OPLAH: variants seen among roughly 807,000 people sequenced by gnomAD.
The protein encoded by OPLAH is 5-oxoprolinase.
OPLAH carries 103 observed loss-of-function variants against 122.8 expected under a neutral mutation model. The observed-to-expected ratio is 0.84, with a 90% CI of 0.71 to 0.99. OPLAH has a LOEUF of 0.99. OPLAH is among the 50% of genes least tolerant of loss of function. The pLI is 0.00. For missense variants in OPLAH, 1,902 were observed against 1,836.5 expected (o/e 1.04, Z -0.65); for synonymous variants, 875 against 796.0 (o/e 1.10, Z -1.67).
chr8:144,053,166 T>G (rs782175955), intron 20 of OPLAH, 37 bp from the exon 21 acceptor site: 1 of 1,608,536 alleles, frequency 6.2e-7, no homozygotes, highest in Non-Finnish European at 8.5e-7. Context: ...CCAGGTCACC[T>G]GCAGGATGGC....
rs782187472 is a variant in OPLAH, at chr8:144,054,869, C to G, written c.2454G>C (p.Leu818=). 6.8e-6 allele frequency: 11 copies of G among 1,611,398 alleles called. No homozygotes were observed. The South Asian group carries it at 1.1e-4, about 16-fold the overall frequency. Residue 818 remains leucine, a synonymous_variant, in exon 18 of 27, where the codon CTG becomes CTC. Transcript: ENST00000618853. ...TGCCCCCGGCACTGGGATGGTTGCT[C>G]AGTAGCACGTCGCCAGGGTGGAGAT... The part of the protein sequence containing the change: ...GADLHPGDVL[L]SNHPSAGGSH...
downstream of OPLAH, chr8:144,050,844 C>T: frequency 1.0e-6 from 1 of 991,902 alleles, no homozygotes; most frequent in Non-Finnish European, 1.2e-6. Flanking sequence ...CCTCCTCCCC[C>T]AAGATGCCGA....
chr8:144,052,611 G>C lies in OPLAH; in HGVS notation c.3154-13C>G, dbSNP rs782243755. ...GCGCCAGGCAGCCCTGTGCGGGGCG[G>C]GCGGCTCTCAGGAGCTCTTGGGGTG... is the stretch of plus-strand genomic sequence containing the variant. On this transcript the variant is annotated splice_polypyrimidine_tract_variant and intron_variant, in intron 22 of 26. Transcript: ENST00000618853. 6.3e-7 allele frequency: 1 copy of C among 1,585,008 alleles called. No individual in the cohort carries two copies. The highest frequency in any genetic ancestry group is 8.5e-7 in the Non-Finnish European group (1 of 1,170,714).
intron 9 of OPLAH, 46 bp from the exon 10 acceptor site, chr8:144,057,759 A>T (rs1554759698): frequency 1.2e-6 from 2 of 1,609,696 alleles, no homozygotes; most frequent in South Asian, 2.2e-5. Context: ...GAGGCAGGGG[A>T]GCAGGAGTAG....
At chr8:144,051,176 C>T, downstream of OPLAH, 2 of 1,438,800 alleles carry the variant, frequency 1.4e-6, no homozygotes. Context: ...GGGCAGTGCG[C>T]CTGCAGCTCC....
In OPLAH at chr8:144,059,084, G is replaced by T; in HGVS notation, c.364-5C>A. 2 of 1,571,110 alleles carry T rather than the reference G, an allele frequency of 1.3e-6. No individual in the cohort carries two copies. Among genetic ancestry groups the T allele is most frequent in the South Asian group, 2.3e-5 (2 of 85,538 alleles). Reference sequence around the variant, plus strand: ...CACCTCAGGCATGGGCACGGCCTGGGGGCGGGCAGAGACTCAGAAGAGGCC... The same window carrying T: ...CACCTCAGGCATGGGCACGGCCTGGTGGCGGGCAGAGACTCAGAAGAGGCC... On this transcript the variant is annotated splice_polypyrimidine_tract_variant and splice_region_variant and intron_variant, in intron 3 of 26. Coordinates refer to ENST00000618853, the MANE Select transcript of OPLAH (RefSeq NM_017570.5).
chr8:144,052,680 T>C (rs1229821952), intron 22 of OPLAH, 82 bp from the exon 23 acceptor site: 5 of 1,523,242 alleles, frequency 3.3e-6, no homozygotes, highest in Non-Finnish European at 4.4e-6. Context: ...CCAGCACCCG[T>C]GGGGTCAGAC....
At chr8:144,058,433 G>A (rs782240555) in intron 6 of OPLAH, 29 bp from the exon 7 acceptor site, 5 of 1,585,098 alleles carry the variant, frequency 3.2e-6, no homozygotes, top group East Asian at 2.3e-5. Context: ...CGGGCCATGA[G>A]GGGCAGGCCA....
chr8:144,059,935 A>G lies in OPLAH; in HGVS notation c.98T>C (p.Leu33Ser). Residue 33 changes from leucine to serine, a missense_variant, in exon 2 of 27, where the codon TTA becomes TCA. Physicochemically the swap from Leu to Ser is moderately radical, Grantham distance 145. Around this residue, in one of 3 missense-constraint regions of OPLAH, gnomAD observed 168 missense variants for 170.6 expected, o/e 0.98. Coordinates refer to ENST00000618853, the MANE Select transcript of OPLAH (RefSeq NM_017570.5). ...AQCPGGHVRV[L>S]KLLSEDPANY... ...GGCAGGGTCCTCTGAGAGCAGTTTT[A>G]AGACCCGCACGTGCCCCCCTGGGCA... 9 of 1,612,788 alleles carry G rather than the reference A, an allele frequency of 5.6e-6. No homozygotes were observed. Among genetic ancestry groups the G allele is most frequent in the Non-Finnish European group, 7.6e-6 (9 of 1,179,838 alleles).
At chr8:144,056,889 C>A in intron 12 of OPLAH, 59 bp downstream of exon 12, 1 of 1,523,872 alleles carries the variant, frequency 6.6e-7, no homozygotes, top group Non-Finnish European at 8.8e-7. Context: ...GAGGAACACC[C>A]ACCAAGGGCG....
At position 144,052,654 on chromosome 8, in the gene OPLAH, C is replaced by T; in HGVS notation, c.3154-56G>A. On this transcript the variant is annotated intron_variant, in intron 22 of 26. Transcript: ENST00000618853. ...TTGGGGTGGGCTCCGGGAGAAACAG[C>T]ACCCCACCCCCCGCCCCAGCACCCG... The T allele has an allele frequency of 1.9e-6, 3 of 1,541,112 alleles. No individual in the cohort carries two copies. In the South Asian group the frequency reaches 3.6e-5, roughly 18 times the overall value.
At chr8:144,062,735 C>T (rs1284412240), upstream of OPLAH, among the ~76,000 whole-genome samples, 2 of 135,896 alleles carry the variant, frequency 1.5e-5, no homozygotes, top group Non-Finnish European at 3.0e-5. Flanking sequence ...AGACCCCAAA[C>T]TCTCTCACTG....
chr8:144,057,130 G>C lies in OPLAH; in HGVS notation c.1536-12C>G, dbSNP rs1554759443. On this transcript the variant is annotated splice_polypyrimidine_tract_variant and intron_variant, in intron 11 of 26. Transcript: ENST00000618853. Reference sequence around the variant, plus strand: ...GCAGCCCACTGTGCCTGCAGGGATGGGCAGCATGGCAATGGGAGGTCACCT... The same window carrying C: ...GCAGCCCACTGTGCCTGCAGGGATGCGCAGCATGGCAATGGGAGGTCACCT... The C allele has an allele frequency of 6.3e-7, 1 of 1,594,076 alleles. No homozygotes were observed. Among genetic ancestry groups the C allele is most frequent in the Non-Finnish European group, 8.5e-7 (1 of 1,171,254 alleles).
downstream of OPLAH, chr8:144,050,939 C>G (rs1835358128): frequency 9.7e-7 from 1 of 1,026,386 alleles, no homozygotes; most frequent in South Asian, 3.8e-5. Context: ...GCCCCCCTAC[C>G]AGGGCCCTGG....
rs1296966216 is a variant in OPLAH, at chr8:144,055,679, G to A, written c.2248+109C>T. ...GTGCTGCGGCCACACTGCCCGCCCC[G>A]TCGCCAGGGGGTCCTGCTTCTGCCT... On this transcript the variant is annotated intron_variant, in intron 16 of 26. Transcript: ENST00000618853. The surrounding 1 kb of genome is among the most constrained non-coding windows in gnomAD (Gnocchi z 6.5). The A allele has an allele frequency of 2.2e-5, 29 of 1,330,616 alleles. No individual in the cohort carries two copies. The East Asian group carries it at 3.9e-4, about 18-fold the overall frequency. 82.4% of individuals were successfully genotyped at this position (1,330,616 alleles called of 1,614,324 possible). A position where few individuals can be genotyped will look rare whatever the true frequency, so the allele number is the denominator to read the frequency against.
intron 3 of OPLAH, among the ~76,000 whole-genome samples, 173 bp from the exon 4 acceptor site, chr8:144,059,252 C>G (rs1021978790): frequency 5.3e-5 from 8 of 152,182 alleles, no homozygotes; most frequent in East Asian, 1.9e-4. Flanking sequence ...CTCTCCACCC[C>G]CTAGGCAGCT....
In OPLAH at chr8:144,052,014, C is replaced by G. The variant is rs782047184; in HGVS notation, c.3524G>C (p.Arg1175Pro). The change falls in exon 25 of 27, where the codon CGA becomes CCA. Residue 1175 changes from arginine (R) to proline (P), a missense_variant. Arg to Pro is a moderately radical substitution (Grantham distance 103). Coordinates refer to ENST00000618853, the MANE Select transcript of OPLAH (RefSeq NM_017570.5). ...RRGSGGRGRF[R>P]GGDGVTRELL... ...CTCGCGGGTGACGCCGTCGCCGCCT[C>G]GGAAGCGGCCTCTGCCCCCCGAGCC... The G allele has an allele frequency of 1.3e-6, 2 of 1,589,668 alleles. No individual in the cohort carries two copies. The highest frequency in any genetic ancestry group is 1.7e-5 in the Admixed American group (1 of 59,202).
In OPLAH at chr8:144,051,486, GGGGGGC is replaced by G. The variant is rs782123712; in HGVS notation, c.3721-20_3721-15del. Reference sequence around the variant, plus strand: ...ACAGAACACATCCTGTTGGCGCGGGGGGGGGCGGGGAGGCGGGCTCAGTGCAGGCGT... The same window carrying G: ...ACAGAACACATCCTGTTGGCGCGGGGGGGGAGGCGGGCTCAGTGCAGGCGT... On this transcript the variant is annotated splice_polypyrimidine_tract_variant and intron_variant, in intron 26 of 26. Transcript: ENST00000618853. 8 of 1,471,960 alleles carry G rather than the reference GGGGGGC, an allele frequency of 5.4e-6. No homozygotes were observed. Among genetic ancestry groups the G allele is most frequent in the Non-Finnish European group, 5.4e-6 (6 of 1,106,098 alleles). 91.2% of individuals were successfully genotyped at this position (1,471,960 alleles called of 1,614,324 possible).
chr8:144,062,817 G>A (rs1242157352), upstream of OPLAH, among the ~76,000 whole-genome samples: 6 of 151,836 alleles, frequency 4.0e-5, no homozygotes, highest in East Asian at 3.9e-4. Context: ...ACTCACAGAC[G>A]AAACCTCTAA....
Sources: gnomAD v4.1 joint callset for allele counts (sites outside exome capture counted in the v4.1 genomes callset) on GRCh38, gnomAD v4.1.1 for gene constraint, gnomAD v4.1.1 regional missense constraint, Gnocchi (gnomAD v3.1) non-coding constraint, MANE v1.5 for transcripts, NCBI Gene and HGNC (gene_info 2026-07-23, HGNC 2026-07-21) for gene names.